DEF6: variants seen among roughly 807,000 people sequenced by gnomAD.
DEF6 encodes the protein DEF6 guanine nucleotide exchange factor.
Under a neutral mutation model 80.5 loss-of-function variants are expected in DEF6, and 32 were observed. The ratio of observed to expected loss-of-function variants is 0.40; its 90% CI spans 0.30 to 0.53. The LOEUF (loss-of-function observed/expected upper bound fraction) is 0.53, where lower values mean the gene tolerates loss of function less well. Among genes scored for constraint, DEF6 ranks in the 20% least tolerant of loss-of-function variants. The pLI, the probability that DEF6 is intolerant of heterozygous loss-of-function variation, is 0.57. For missense variants in DEF6, 575 were observed against 818.7 expected, an observed-to-expected ratio of 0.70 and a Z score of 3.63; for synonymous variants, 300 against 337.9, an observed-to-expected ratio of 0.89 and a Z score of 1.23.
intron 1 of DEF6, among the ~76,000 whole-genome samples, chr6:35,308,991 A>T (rs1235539768): frequency 6.6e-6 from 1 of 152,186 alleles, no homozygotes; most frequent in Admixed American, 6.5e-5. Context: ...TATGACCACT[A>T]TCCCTTCTAA....
At chr6:35,313,119 A>G (rs1185499981) in intron 5 of DEF6, among the ~76,000 whole-genome samples, 3 of 151,184 alleles carry the variant, frequency 2.0e-5, no homozygotes, top group Non-Finnish European at 4.4e-5. Context: ...TCCCTTTAGC[A>G]ACTCTGTACT....
In DEF6 at chr6:35,320,023, G is replaced by A; in HGVS notation, c.1581+6G>A. The A allele has an allele frequency of 6.4e-7, 1 of 1,557,084 alleles. No homozygotes were observed. ...GGGCTGACGAGGATGTGGAGGTGAG[G>A]CCTGGGGTGGGATGGGGTGGAGGCT... On this transcript the variant is annotated splice_donor_region_variant and intron_variant, in intron 9 of 10. Coordinates refer to ENST00000316637, the MANE Select transcript of DEF6 (RefSeq NM_022047.4).
intron 1 of DEF6, among the ~76,000 whole-genome samples, chr6:35,303,704 T>A (rs1363127750): frequency 1.3e-5 from 2 of 152,136 alleles, no homozygotes; most frequent in African/African-American, 2.4e-5. Flanking sequence ...CAGGTTTAAA[T>A]AAGGTGATCA....
intron 1 of DEF6, among the ~76,000 whole-genome samples, chr6:35,299,716 A>G (rs1791288535): frequency 6.6e-6 from 1 of 152,202 alleles, no homozygotes; most frequent in African/African-American, 2.4e-5. Context: ...GATCAATTAT[A>G]GAGTTCCCTC....
intron 1 of DEF6, among the ~76,000 whole-genome samples, chr6:35,307,426 G>A (rs527774700): frequency 1.1e-4 from 17 of 152,358 alleles, no homozygotes; most frequent in Non-Finnish European, 2.2e-4. Context: ...CGGGTAGTTT[G>A]AAAAGAGGCC....
chr6:35,304,570 G>A (rs1791366844), intron 1 of DEF6, among the ~76,000 whole-genome samples: 1 of 152,184 alleles, frequency 6.6e-6, no homozygotes, highest in Non-Finnish European at 1.5e-5. Flanking sequence ...GGTCAGAGAA[G>A]GTGCAGCAGG....
At chr6:35,310,856 T>G (rs1791457660) in intron 3 of DEF6, among the ~76,000 whole-genome samples, 1 of 152,168 alleles carries the variant, frequency 6.6e-6, no homozygotes, top group East Asian at 1.9e-4. Flanking sequence ...AAAACTGAAA[T>G]TACACTTTCA....
chr6:35,298,156 AGT>A (rs1379403708), intron 1 of DEF6, among the ~76,000 whole-genome samples: 4 of 152,166 alleles, frequency 2.6e-5, no homozygotes, highest in Non-Finnish European at 5.9e-5. Context: ...GACCTAGTGA[AGT>A]GTGTGCAGAA....
In DEF6 at chr6:35,312,480, C is replaced by A; in HGVS notation, c.602C>A (p.Thr201Asn). The A allele has an allele frequency of 6.2e-7, 1 of 1,614,148 alleles. No homozygotes were observed. Residue 201 changes from threonine (T) to asparagine (N), a missense_variant, in exon 4 of 11, where the codon ACC (threonine) becomes AAC (asparagine). Transcript: ENST00000316637. The surrounding 1 kb of genome is among the most constrained non-coding windows in gnomAD (Gnocchi z 6.6). ...TGCCTGCGGGGCGTGGGCCGGGACACCCTCAGCATGGCCATCCACGAGGTC... is the reference window on the plus strand; with the variant it reads ...TGCCTGCGGGGCGTGGGCCGGGACAACCTCAGCATGGCCATCCACGAGGTC... The part of the protein sequence containing the change: ...GRCLRGVGRD[T>N]LSMAIHEVYQ...
Position 35,312,820 on chromosome 6 carries a change from C to T in DEF6, c.807+48C>T. 1.3e-6 allele frequency: 2 copies of T among 1,573,378 alleles called. No homozygotes were observed. The highest frequency in any genetic ancestry group is 1.2e-5 in the South Asian group (1 of 86,854). The stretch of plus-strand genomic sequence containing the variant: ...AGGACATCTCAGGGCCCAGAGTGTC[C>T]TCAGGGGCATGAGAAGACAAGGGGG... On this transcript the variant is annotated intron_variant, in intron 5 of 10. Coordinates refer to ENST00000316637, the MANE Select transcript of DEF6 (RefSeq NM_022047.4). This position sits in a 1 kb window ranked among gnomAD's most constrained non-coding sequence, Gnocchi z 6.6.
At chr6:35,315,098 C>A (rs980860302) in intron 5 of DEF6, among the ~76,000 whole-genome samples, 1 of 152,154 alleles carries the variant, frequency 6.6e-6, no homozygotes, top group East Asian at 1.9e-4. Context: ...GGATTTATAT[C>A]TAGGTTATCT....
At chr6:35,317,791 T>C (rs1319178218) in intron 5 of DEF6, 100 bp from the exon 6 acceptor site, 6 of 1,001,120 alleles carry the variant, frequency 6.0e-6, no homozygotes, top group African/African-American at 4.9e-5. Context: ...CCAGGGAAGA[T>C]AGCCAGGAGG....
Position 35,312,661 on chromosome 6 carries a change from C to T in DEF6, c.696C>T (p.Asn232=). 6.2e-7 allele frequency: 1 copy of T among 1,614,064 alleles called. No individual in the cohort carries two copies. The highest frequency in any genetic ancestry group is 8.5e-7 in the Non-Finnish European group (1 of 1,179,974). Residue 232 remains asparagine (N), a synonymous_variant, in exon 5 of 11, where the codon AAC becomes AAT. Transcript: ENST00000316637. This position sits in a 1 kb window ranked among gnomAD's most constrained non-coding sequence, Gnocchi z 6.6. ...GGAAGCGAGGGCACCTGAGAAGGAA[C>T]TGGGCCGAACGCTGGTTCCAGCTGC... is the stretch of plus-strand genomic sequence containing the variant. ...YLWKRGHLRR[N]WAERWFQLQP...
intron 5 of DEF6, among the ~76,000 whole-genome samples, chr6:35,313,930 T>C (rs1791495898): frequency 6.6e-6 from 1 of 152,250 alleles, no homozygotes; most frequent in African/African-American, 2.4e-5. Flanking sequence ...CTTCAATATA[T>C]TGGTTTACTT....
chr6:35,318,370 C>A lies in DEF6; in HGVS notation c.1114C>A (p.Arg372=). The change falls in exon 7 of 11, where the codon CGG becomes AGG. Residue 372 remains arginine (R), a synonymous_variant. Transcript: ENST00000316637. The surrounding 1 kb of genome is among the most constrained non-coding windows in gnomAD (Gnocchi z 5.1). ...GCTGGAGCTGCTGCAGGAGGCGCAG[C>A]GGCAGGCCGAGCGGCTGCTGCAGGA... ...QELELLQEAQ[R]QAERLLQEEE... 1 of 1,539,204 alleles carries A rather than the reference C, an allele frequency of 6.5e-7. No individual in the cohort carries two copies. The highest frequency in any genetic ancestry group is 8.7e-7 in the Non-Finnish European group (1 of 1,145,674).
intron 9 of DEF6, 89 bp downstream of exon 9, chr6:35,320,106 C>G (rs1349790067): frequency 7.5e-7 from 1 of 1,324,670 alleles, no homozygotes. Context: ...CCCTCAAACC[C>G]TGGCCCTAGC....
rs968544040 is a variant in DEF6 at position 35,301,282 on chromosome 6, A to G, written c.96+3330A>G. ...AGCTTTGTCCTGACCCCTGTGTGCTACTGGTCTCCCCAGGCTAGGATTTGT... is the reference window on the plus strand; with the variant it reads ...AGCTTTGTCCTGACCCCTGTGTGCTGCTGGTCTCCCCAGGCTAGGATTTGT... On this transcript the variant is annotated intron_variant, in intron 1 of 10. Transcript: ENST00000316637. Among the ~76,000 whole-genome samples, 5 of 152,254 alleles carry G rather than the reference A, an allele frequency of 3.3e-5. No individual in the cohort carries two copies. The East Asian group carries it at 7.7e-4, about 24-fold the overall frequency.
chr6:35,303,307 G>T (rs182234734), intron 1 of DEF6, among the ~76,000 whole-genome samples: 1 of 152,286 alleles, frequency 6.6e-6, no homozygotes, highest in African/African-American at 2.4e-5. Flanking sequence ...TATGTGGCAG[G>T]TTCTGTCCTG....
intron 9 of DEF6, 68 bp from the exon 10 acceptor site, chr6:35,320,816 T>C: frequency 2.1e-6 from 3 of 1,445,584 alleles, no homozygotes; most frequent in Non-Finnish European, 2.9e-6. Flanking sequence ...CCTGCGAACC[T>C]GAAAAGATCA....
Sources: allele counts gnomAD v4.1 joint callset (sites outside exome capture counted in the v4.1 genomes callset), GRCh38; gene constraint gnomAD v4.1.1; non-coding constraint Gnocchi (gnomAD v3.1); transcripts MANE v1.5; gene names NCBI Gene and HGNC (gene_info 2026-07-23, HGNC 2026-07-21).